Variants in ZNF805 observed in about 807,000 individuals in gnomAD.
ZNF805 encodes the protein CTC-444N24.8.
Under a neutral mutation model 13.6 loss-of-function variants are expected in ZNF805, and 7 were observed. That is an observed-to-expected ratio of 0.51 (90% CI 0.29 to 0.97). The LOEUF (loss-of-function observed/expected upper bound fraction) is 0.97. Ranked by LOEUF, ZNF805 falls within the 50% of genes least tolerant of loss-of-function variation. ZNF805 has a pLI of 0.08. For missense variants in ZNF805, 604 were observed against 771.0 expected, an observed-to-expected ratio of 0.78 and a Z score of 2.57; for synonymous variants, 293 against 279.8, an observed-to-expected ratio of 1.05 and a Z score of -0.47.
Position 57,257,317 on chromosome 19 carries a change from C to T in ZNF805, c.*2614C>T, listed in dbSNP as rs1361087531. Among the ~76,000 whole-genome samples, 5 of 152,058 alleles carry T rather than the reference C, an allele frequency of 3.3e-5. No individual in the cohort carries two copies. Among genetic ancestry groups the T allele is most frequent in the Admixed American group, 1.3e-4 (2 of 15,276 alleles). ...TCCTGTATCCTTGCTGATTTTCTGT[C>T]TAGTATTTCTATCAATTGCCAAGAG... On this transcript the variant is annotated 3_prime_UTR_variant, in exon 4 of 4. Coordinates refer to ENST00000414468, the MANE Select transcript of ZNF805 (RefSeq NM_001023563.4).
Position 57,254,928 on chromosome 19 carries a change from A to T in ZNF805, c.*225A>T. The T allele has an allele frequency of 1.9e-6, 1 of 539,100 alleles. No individual in the cohort carries two copies. Among genetic ancestry groups the T allele is most frequent in the Non-Finnish European group, 3.3e-6 (1 of 299,562 alleles). The allele number at this position is 539,100 out of a possible 1,614,324, so 33.4% of individuals were successfully genotyped here. A position where few individuals can be genotyped will look rare whatever the true frequency, so the allele number is the denominator to read the frequency against. On this transcript the variant is annotated 3_prime_UTR_variant, in exon 4 of 4. Transcript: ENST00000414468. ...GAGGTGACATAGAAAAGAAAATGAA[A>T]TGCAGACACTGCTTTTATACTGTTG...
chr19:57,245,524 A>G (rs535645133), intron 2 of ZNF805, among the ~76,000 whole-genome samples: 2 of 152,074 alleles, frequency 1.3e-5, no homozygotes, highest in South Asian at 2.1e-4. Flanking sequence ...TCATGCCTGT[A>G]ATCCCAGCAC....
chr19:57,251,545 A>C (rs67889549), intron 3 of ZNF805, among the ~76,000 whole-genome samples: 10 of 151,728 alleles, frequency 6.6e-5, no homozygotes, highest in Admixed American at 6.6e-4. Flanking sequence ...TGCTGCCGGT[A>C]TATTCTTCTA....
Position 57,259,865 on chromosome 19 carries a change from T to A in ZNF805, c.*5162T>A, listed in dbSNP as rs2087713399. ...TGCTTAGTTTATAATACTAAAGGGC[T>A]CAGAAAACAGAAAAAACTAAATTCC... On this transcript the variant is annotated 3_prime_UTR_variant, in exon 4 of 4. Coordinates refer to ENST00000414468, the MANE Select transcript of ZNF805 (RefSeq NM_001023563.4). Among the ~76,000 whole-genome samples, 1 of 152,230 alleles carries A rather than the reference T, an allele frequency of 6.6e-6. No individual in the cohort carries two copies. Among genetic ancestry groups the A allele is most frequent in the Non-Finnish European group, 1.5e-5 (1 of 68,044 alleles).
rs1161497050 is a variant in ZNF805 at position 57,258,418 on chromosome 19, T to G, written c.*3715T>G. On this transcript the variant is annotated 3_prime_UTR_variant, in exon 4 of 4. Coordinates refer to ENST00000414468, the MANE Select transcript of ZNF805 (RefSeq NM_001023563.4). ...TTAGTTTTTTGTGTTTCCTGTTGCTTCTTTCTTGGTTTGTTTGGGTTTTTT... is the reference window on the plus strand; with the variant it reads ...TTAGTTTTTTGTGTTTCCTGTTGCTGCTTTCTTGGTTTGTTTGGGTTTTTT... 2.7e-5 allele frequency among the ~76,000 whole-genome samples: 4 copies of G among 146,920 alleles called. No individual in the cohort carries two copies. The highest frequency in any genetic ancestry group is 1.0e-4 in the African/African-American group (4 of 39,196).
intron 2 of ZNF805, among the ~76,000 whole-genome samples, chr19:57,246,720 G>A (rs946219900): frequency 6.6e-6 from 1 of 150,444 alleles, no homozygotes; most frequent in African/African-American, 2.4e-5. Context: ...AGGTTGCAGT[G>A]AGCTGAGATC....
Position 57,255,128 on chromosome 19 carries a change from G to T in ZNF805, c.*425G>T, listed in dbSNP as rs527513821. The T allele has an allele frequency of 4.8e-4, 84 of 174,124 alleles. No individual in the cohort carries two copies. The highest frequency in any genetic ancestry group is 4.1e-3 in the South Asian group (22 of 5,398). The allele number at this position is 174,124 out of a possible 1,614,324, so 10.8% of individuals were successfully genotyped here. ...TATATTTAAGGATTAAAAGAAACAT[G>T]AATGCGCACATTTTATTGTACCACT... On this transcript the variant is annotated 3_prime_UTR_variant, in exon 4 of 4. Coordinates refer to ENST00000414468, the MANE Select transcript of ZNF805 (RefSeq NM_001023563.4).
chr19:57,253,466 G>A lies in ZNF805; in HGVS notation c.647G>A (p.Arg216His), dbSNP rs548046886. 18 of 1,592,912 alleles carry A rather than the reference G, an allele frequency of 1.1e-5. No homozygotes were observed. Among genetic ancestry groups the A allele is most frequent in the African/African-American group, 9.4e-5 (7 of 74,490 alleles). ...TGTGAAAAAGTGTTTAACAAGAAAC[G>A]CCTGCTTGCTCGGCATGAGAGGATT... is the stretch of plus-strand genomic sequence containing the variant. ...NECEKVFNKK[R>H]LLARHERIHS... The change falls in exon 4 of 4, where the codon CGC (arginine) becomes CAC (histidine). Residue 216 changes from arginine to histidine, a missense_variant. Arg to His is a conservative substitution (Grantham distance 29). Around this residue, in one of 3 missense-constraint regions of ZNF805, gnomAD observed 327 missense variants for 378.2 expected, o/e 0.86. Coordinates refer to ENST00000414468, the MANE Select transcript of ZNF805 (RefSeq NM_001023563.4). This position sits in a 1 kb window ranked among gnomAD's most constrained non-coding sequence, Gnocchi z 4.4.
Position 57,257,107 on chromosome 19 carries a change from T to C in ZNF805, c.*2404T>C, listed in dbSNP as rs1286126364. ...TGGAGTATTCCCTGCTATTTGTTAT[T>C]GATTTCTAATTTGTTTTGCATTTGA... On this transcript the variant is annotated 3_prime_UTR_variant, in exon 4 of 4. Coordinates refer to ENST00000414468, the MANE Select transcript of ZNF805 (RefSeq NM_001023563.4). Among the ~76,000 whole-genome samples the C allele has an allele frequency of 1.3e-5, 2 of 152,234 alleles. No individual in the cohort carries two copies. Among genetic ancestry groups the C allele is most frequent in the African/African-American group, 2.4e-5 (1 of 41,464 alleles).
chr19:57,248,070 A>T (rs1342943323), intron 2 of ZNF805, among the ~76,000 whole-genome samples: 2 of 152,348 alleles, frequency 1.3e-5, no homozygotes, highest in East Asian at 3.9e-4. Flanking sequence ...TTAGCCAGGC[A>T]TGATGGCACG....
Position 57,259,292 on chromosome 19 carries a change from G to A in ZNF805, c.*4589G>A, listed in dbSNP as rs943585028. Among the ~76,000 whole-genome samples the A allele has an allele frequency of 6.6e-6, 1 of 151,788 alleles. No individual in the cohort carries two copies. The highest frequency in any genetic ancestry group is 1.5e-5 in the Non-Finnish European group (1 of 67,950). On this transcript the variant is annotated 3_prime_UTR_variant, in exon 4 of 4. Coordinates refer to ENST00000414468, the MANE Select transcript of ZNF805 (RefSeq NM_001023563.4). Reference sequence around the variant, plus strand: ...CTGTGATATGAATGGTAGAGCTTTTGTTACTGTCTCAGAGGTCTCTTGTGC... The same window carrying A: ...CTGTGATATGAATGGTAGAGCTTTTATTACTGTCTCAGAGGTCTCTTGTGC...
At position 57,253,132 on chromosome 19, in the gene ZNF805, G is replaced by A. The variant is rs2087661488; in HGVS notation, c.313G>A (p.Gly105Arg). 1 of 1,524,368 alleles carries A rather than the reference G, an allele frequency of 6.6e-7. No individual in the cohort carries two copies. The highest frequency in any genetic ancestry group is 2.3e-5 in the Admixed American group (1 of 42,704). The allele number at this position is 1,524,368 out of a possible 1,614,324, so 94.4% of individuals were successfully genotyped here. A position where few individuals can be genotyped will look rare whatever the true frequency, so the allele number is the denominator to read the frequency against. The change falls in exon 4 of 4, where the codon GGA (glycine) becomes AGA (arginine). Residue 105 changes from glycine (G) to arginine (R), a missense_variant. By Grantham distance (125) the Gly-to-Arg change is moderately radical. Transcript: ENST00000414468. The surrounding 1 kb of genome is among the most constrained non-coding windows in gnomAD (Gnocchi z 4.4). ...CACCTGTGAGCTAGCCTTGTCTGAAGGAATCTCTTTTTGGGGACAACTAAC... is the reference window on the plus strand; with the variant it reads ...CACCTGTGAGCTAGCCTTGTCTGAAAGAATCTCTTTTTGGGGACAACTAAC... ...PTTCELALSEGISFWGQLTQG... is the reference protein window; with the variant it reads ...PTTCELALSERISFWGQLTQG...
At chr19:57,246,786 A>G (rs2087621624) in intron 2 of ZNF805, among the ~76,000 whole-genome samples, 1 of 151,334 alleles carries the variant, frequency 6.6e-6, no homozygotes, top group Non-Finnish European at 1.5e-5. Context: ...AAAAAAAAAA[A>G]AAAAAAAGAA....
chr19:57,246,643 G>T (rs948313252), intron 2 of ZNF805, among the ~76,000 whole-genome samples: 18 of 152,182 alleles, frequency 1.2e-4, no homozygotes, highest in African/African-American at 4.3e-4. Flanking sequence ...GGGTGTGGTA[G>T]CGCATGCCTG....
chr19:57,243,046 T>C (rs2087589251), intron 1 of ZNF805, among the ~76,000 whole-genome samples: 4 of 152,048 alleles, frequency 2.6e-5, no homozygotes, highest in Non-Finnish European at 4.4e-5. Flanking sequence ...CATAGCAAGA[T>C]CCCAGCTCTA....
At position 57,253,154 on chromosome 19, in the gene ZNF805, T is replaced by C. The variant is rs760451549; in HGVS notation, c.335T>C (p.Leu112Pro). ...GAAGGAATCTCTTTTTGGGGACAAC[T>C]AACACAAGGAGCTTCAGGGGACTCC... The part of the protein sequence containing the change: ...LSEGISFWGQ[L>P]TQGASGDSQL... Residue 112 changes from leucine to proline, a missense_variant, in exon 4 of 4, where the codon CTA becomes CCA. This residue lies in a region of ZNF805 where 327 missense variants were observed against 378.2 expected (regional missense o/e 0.86). Transcript: ENST00000414468. The surrounding 1 kb of genome is among the most constrained non-coding windows in gnomAD (Gnocchi z 4.4). 49 of 1,545,784 alleles carry C rather than the reference T, an allele frequency of 3.2e-5. No homozygotes were observed. Among genetic ancestry groups the C allele is most frequent in the Non-Finnish European group, 4.3e-5 (49 of 1,147,842 alleles).
In ZNF805 at chr19:57,254,745, T is replaced by A. The variant is rs2087677033; in HGVS notation, c.*42T>A. ...CAAATGTCATTTGTCACCTAAGGAG[T>A]CATATTAGAAAATCACGCAGCTTAG... On this transcript the variant is annotated 3_prime_UTR_variant, in exon 4 of 4. Coordinates refer to ENST00000414468, the MANE Select transcript of ZNF805 (RefSeq NM_001023563.4). 1.3e-6 allele frequency: 2 copies of A among 1,548,736 alleles called. No individual in the cohort carries two copies. Among genetic ancestry groups the A allele is most frequent in the Non-Finnish European group, 8.7e-7 (1 of 1,147,508 alleles).
chr19:57,253,799 G>T lies in ZNF805; in HGVS notation c.980G>T (p.Arg327Met). ...GAGTGTGGCAAAGCCTTTCGAGATA[G>T]GCCAGGTTTCATTCGACACTACATC... ...CKECGKAFRDRPGFIRHYIIH... is the reference protein window; with the variant it reads ...CKECGKAFRDMPGFIRHYIIH... The change falls in exon 4 of 4, where the codon AGG (arginine) becomes ATG (methionine). Residue 327 changes from arginine to methionine, a missense_variant. Physicochemically the swap from Arg to Met is moderately conservative, Grantham distance 91. Around this residue, in one of 3 missense-constraint regions of ZNF805, gnomAD observed 228 missense variants for 352.8 expected, o/e 0.65. Transcript: ENST00000414468. The surrounding 1 kb of genome is among the most constrained non-coding windows in gnomAD (Gnocchi z 4.4). 1 of 1,613,994 alleles carries T rather than the reference G, an allele frequency of 6.2e-7. No individual in the cohort carries two copies. The highest frequency in any genetic ancestry group is 8.5e-7 in the Non-Finnish European group (1 of 1,180,004).
rs1332827587 is a variant in ZNF805, at chr19:57,255,976, C to T, written c.*1273C>T. 6.6e-6 allele frequency among the ~76,000 whole-genome samples: 1 copy of T among 152,074 alleles called. No homozygotes were observed. Among genetic ancestry groups the T allele is most frequent in the Non-Finnish European group, 1.5e-5 (1 of 67,940 alleles). ...TGAAAGTTGCTTCCAAAGAGTTTCT[C>T]TATCGAGTTTAGAAAGTTTCCCTCT... On this transcript the variant is annotated 3_prime_UTR_variant, in exon 4 of 4. Coordinates refer to ENST00000414468, the MANE Select transcript of ZNF805 (RefSeq NM_001023563.4).
Sources: allele counts gnomAD v4.1 joint callset (sites outside exome capture counted in the v4.1 genomes callset), GRCh38; gene constraint gnomAD v4.1.1; regional missense constraint gnomAD v4.1.1; non-coding constraint Gnocchi (gnomAD v3.1); transcripts MANE v1.5; gene names NCBI Gene and HGNC (gene_info 2026-07-23, HGNC 2026-07-21).